The following NBAS variants were observed in gnomAD, a reference collection of about 807,000 sequenced individuals.
NBAS encodes NAG/BC035112 fusion.
NBAS carries 219 observed loss-of-function variants against 302.5 expected under a neutral mutation model. The observed-to-expected ratio is 0.72, with a 90% CI of 0.65 to 0.81. The LOEUF (loss-of-function observed/expected upper bound fraction) is 0.81. Among genes scored for constraint, NBAS ranks in the 30% least tolerant of loss-of-function variants. NBAS has a pLI of 0.00. For missense variants in NBAS, 2,932 were observed against 2,841.6 expected (o/e 1.03, Z -0.72); for synonymous variants, 1,118 against 1,021.6 (o/e 1.09, Z -1.80).
chr2:15,009,642 A>ATATGTAGGAATG, the NBAS span, among the ~76,000 whole-genome samples: 1 of 148,878 alleles, frequency 6.7e-6, no homozygotes. Flanking sequence ...ACACACATAT[A>ATATGTAGGAATG]CACATATATA....
At chr2:15,452,156 T>C (rs930840498) in intron 21 of NBAS, among the ~76,000 whole-genome samples, 3 of 152,212 alleles carry the variant, frequency 2.0e-5, no homozygotes, top group Non-Finnish European at 4.4e-5. Flanking sequence ...GTTTCAGTTT[T>C]ACAAGATAGA....
intron 21 of NBAS, among the ~76,000 whole-genome samples, chr2:15,451,207 T>C (rs1280556352): frequency 6.6e-6 from 1 of 152,148 alleles, no homozygotes; most frequent in African/African-American, 2.4e-5. Flanking sequence ...TGTGCCACCA[T>C]GCCCAGCTAA....
At position 15,510,986 on chromosome 2, in the gene NBAS, T is replaced by C. The variant is rs114577646; in HGVS notation, c.885+226A>G. On this transcript the variant is annotated intron_variant, in intron 10 of 51. Coordinates refer to ENST00000281513, the MANE Select transcript of NBAS (RefSeq NM_015909.4). ...TGGGACTACTGTTAGGTTGTTTTTC[T>C]AGTATCTGAAAATGTCACTACTAAA... Among the ~76,000 whole-genome samples the C allele has an allele frequency of 2.8e-3, 433 of 152,370 alleles. 2 individuals are homozygous for C. Among genetic ancestry groups the C allele is most frequent in the Middle Eastern group, 0.01 (3 of 294 alleles).
intron 9 of NBAS, among the ~76,000 whole-genome samples, chr2:15,530,152 C>A (rs913405125): frequency 2.0e-5 from 3 of 152,040 alleles, no homozygotes; most frequent in African/African-American, 7.2e-5. Flanking sequence ...AACACAGGAG[C>A]CACACATATC....
At chr2:15,380,288 T>C (rs1378856505) in intron 29 of NBAS, among the ~76,000 whole-genome samples, 1 of 152,172 alleles carries the variant, frequency 6.6e-6, no homozygotes, top group East Asian at 1.9e-4. Flanking sequence ...ATGTTGTCCA[T>C]AGGCTGGTCT....
At chr2:14,842,452 T>C in the NBAS span, among the ~76,000 whole-genome samples, 1 of 151,522 alleles carries the variant, frequency 6.6e-6, no homozygotes, top group African/African-American at 2.4e-5. Context: ...AGAGTGAAGA[T>C]CCTAATAATT....
chr2:14,798,795 A>G, the NBAS span, among the ~76,000 whole-genome samples: 27 of 152,180 alleles, frequency 1.8e-4, no homozygotes, highest in African/African-American at 6.5e-4. Flanking sequence ...CCTGAATGAG[A>G]TGGTAATTTG....
the NBAS span, among the ~76,000 whole-genome samples, chr2:15,049,868 G>C: frequency 5.3e-5 from 8 of 152,214 alleles, no homozygotes; most frequent in Admixed American, 3.3e-4. Flanking sequence ...AGCCTGGGGA[G>C]TGACAGAGGC....
At chr2:15,515,929 C>G (rs908970297) in intron 9 of NBAS, among the ~76,000 whole-genome samples, 1 of 152,148 alleles carries the variant, frequency 6.6e-6, no homozygotes, top group East Asian at 1.9e-4. Flanking sequence ...CATCTTCTTA[C>G]TGCTTGTCTT....
the NBAS span, among the ~76,000 whole-genome samples, chr2:14,947,815 T>C: frequency 6.6e-6 from 1 of 152,106 alleles, no homozygotes; most frequent in African/African-American, 2.4e-5. Flanking sequence ...ATGAGGTTTT[T>C]TTTTAATCAT....
rs60537288 is a variant in NBAS, at chr2:15,320,039, C to T, written c.4582+7711G>A. On this transcript the variant is annotated intron_variant, in intron 38 of 51. Transcript: ENST00000281513. The stretch of plus-strand genomic sequence containing the variant: ...CCAAATCCAGCAGCACATCAAAAAG[C>T]TTATCCACCATGATCAAGTAGGCTT... Among the ~76,000 whole-genome samples the T allele has an allele frequency of 4.0e-3, 611 of 152,244 alleles. 7 individuals are homozygous for T. Among genetic ancestry groups the T allele is most frequent in the African/African-American group, 0.014 (571 of 41,534 alleles).
At chr2:15,234,417 A>C in intron 46 of NBAS, 128 bp downstream of exon 46, 1 of 951,282 alleles carries the variant, frequency 1.1e-6, no homozygotes, top group Admixed American at 2.0e-5. Context: ...GAACTCTAAA[A>C]ATAATCTCTC....
the NBAS span, among the ~76,000 whole-genome samples, chr2:15,039,303 G>A: frequency 6.6e-6 from 1 of 152,282 alleles, no homozygotes; most frequent in African/African-American, 2.4e-5. Flanking sequence ...GGGATGTCTG[G>A]AAGCCAGCCC....
chr2:15,308,328 T>G lies in NBAS; in HGVS notation c.4685A>C (p.Glu1562Ala), dbSNP rs1336686878. 1 of 1,614,040 alleles carries G rather than the reference T, an allele frequency of 6.2e-7. No homozygotes were observed. Among genetic ancestry groups the G allele is most frequent in the Non-Finnish European group, 8.5e-7 (1 of 1,180,024 alleles). Residue 1562 changes from glutamate (E) to alanine (A), a missense_variant, in exon 40 of 52, where the codon GAA becomes GCA. By Grantham distance (107) the Glu-to-Ala change is moderately radical (BLOSUM62 -1). Transcript: ENST00000281513. ...AGATAATGCAGAGGGGGACTGCTTT[T>G]CAAAGCACCGGTTAGCATCTAACAC... ...PQVLDANRCF[E>A]KQSPSALSLQ... is the part of the protein sequence containing the mutation.
chr2:15,194,798 C>T (rs573458026), intron 48 of NBAS, among the ~76,000 whole-genome samples: 5 of 152,210 alleles, frequency 3.3e-5, no homozygotes, highest in African/African-American at 1.2e-4. Flanking sequence ...ATATTACATG[C>T]CAAGGCTAAG....
At chr2:15,395,138 T>A (rs995944239) in intron 27 of NBAS, among the ~76,000 whole-genome samples, 23 of 152,068 alleles carry the variant, frequency 1.5e-4, no homozygotes, top group African/African-American at 5.6e-4. Flanking sequence ...CTAAACATCA[T>A]CCAGAAACCT....
the NBAS span, among the ~76,000 whole-genome samples, chr2:14,871,464 G>C: frequency 6.6e-6 from 1 of 152,058 alleles, no homozygotes; most frequent in East Asian, 1.9e-4. Context: ...AAAAAAATGA[G>C]ACTAGTTGGA....
rs138209571 is a variant in NBAS at position 15,410,669 on chromosome 2, AG to A, written c.2937+4876del. ...AGTTCTAAGTCTGTACAAAGAAGCT[AG>A]ATTTGCTACTCTCAAAAAATTAAAA... On this transcript the variant is annotated intron_variant, in intron 25 of 51. Transcript: ENST00000281513. 4.3e-3 allele frequency among the ~76,000 whole-genome samples: 652 copies of A among 152,356 alleles called. 6 individuals are homozygous for A. Among genetic ancestry groups the A allele is most frequent in the African/African-American group, 0.015 (620 of 41,584 alleles).
At chr2:15,236,811 T>C (rs1359006464) in intron 45 of NBAS, among the ~76,000 whole-genome samples, 5 of 152,140 alleles carry the variant, frequency 3.3e-5, no homozygotes, top group Non-Finnish European at 7.4e-5. Context: ...CAAAGCCTTC[T>C]ATATTGTTCA....
Sources: gnomAD v4.1 joint callset for allele counts (sites outside exome capture counted in the v4.1 genomes callset) on GRCh38, gnomAD v4.1.1 for gene constraint, MANE v1.5 for transcripts, NCBI Gene and HGNC (gene_info 2026-07-23, HGNC 2026-07-21) for gene names.